ZCCHC2: variants seen among roughly 807,000 people sequenced by gnomAD.
The protein encoded by ZCCHC2 is zinc finger CCHC domain-containing protein 2.
ZCCHC2 carries 39 observed loss-of-function variants against 103.6 expected under a neutral mutation model. That is an observed-to-expected ratio of 0.38 (90% CI 0.29 to 0.49). The LOEUF (loss-of-function observed/expected upper bound fraction) is 0.49, where lower values mean the gene tolerates loss of function less well. Ranked by LOEUF, ZCCHC2 falls within the 20% of genes least tolerant of loss-of-function variation. The pLI is 0.96. For missense variants in ZCCHC2, 1,483 were observed against 1,491.0 expected, an observed-to-expected ratio of 0.99 and a Z score of 0.09; for synonymous variants, 687 against 608.9, an observed-to-expected ratio of 1.13 and a Z score of -1.89.
Position 62,558,789 on chromosome 18 carries a change from G to A in ZCCHC2, c.1492+19G>A. On this transcript the variant is annotated intron_variant, in intron 7 of 13. Transcript: ENST00000269499. ...GAAGAAGGTAAAGGTAGATTCACTA[G>A]AGTAAATCATTCTGCCTGCTGATAG... 2 of 1,486,060 alleles carry A rather than the reference G, an allele frequency of 1.3e-6. No individual in the cohort carries two copies. The highest frequency in any genetic ancestry group is 1.8e-6 in the Non-Finnish European group (2 of 1,102,336). 92.1% of individuals were successfully genotyped at this position (1,486,060 alleles called of 1,614,324 possible). A position where few individuals can be genotyped will look rare whatever the true frequency, so the allele number is the denominator to read the frequency against.
rs779965844 is a variant in ZCCHC2 at position 62,574,294 on chromosome 18, C to T, written c.2213C>T (p.Pro738Leu). Residue 738 changes from proline to leucine, a missense_variant, in exon 13 of 14, where the codon CCT becomes CTT. Pro to Leu is a moderately conservative substitution (Grantham distance 98). This residue lies in a region of ZCCHC2 where 884 missense variants were observed against 907.5 expected (regional missense o/e 0.97). Coordinates refer to ENST00000269499, the MANE Select transcript of ZCCHC2 (RefSeq NM_017742.6). ...GCCCAGAAGTCTGAAGTTGTCGTTC[C>T]TGCACCCAAACCCGCTGATGGCAAA... ...NGAQKSEVVV[P>L]APKPADGKTI... 6.2e-7 allele frequency: 1 copy of T among 1,614,050 alleles called. No individual in the cohort carries two copies. Among genetic ancestry groups the T allele is most frequent in the Non-Finnish European group, 8.5e-7 (1 of 1,179,908 alleles).
intron 5 of ZCCHC2, among the ~76,000 whole-genome samples, chr18:62,554,076 C>A (rs1198039755): frequency 1.3e-5 from 2 of 152,076 alleles, no homozygotes; most frequent in Non-Finnish European, 2.9e-5. Context: ...TTAAAAAAAT[C>A]TTGGATTCAT....
chr18:62,534,147 C>T (rs777496838), intron 1 of ZCCHC2, among the ~76,000 whole-genome samples: 1 of 151,770 alleles, frequency 6.6e-6, no homozygotes, highest in Non-Finnish European at 1.5e-5. Flanking sequence ...ACCAAGACCC[C>T]ATCTCTAAAA....
chr18:62,527,865 A>G (rs1205239795), intron 1 of ZCCHC2, among the ~76,000 whole-genome samples: 1 of 152,266 alleles, frequency 6.6e-6, no homozygotes. Flanking sequence ...TATGTATTTT[A>G]AAAGGTACTA....
chr18:62,551,467 G>C (rs1156341652), intron 5 of ZCCHC2: 1 of 152,198 alleles, frequency 6.6e-6, no homozygotes, highest in Non-Finnish European at 1.5e-5. Context: ...AAGGGAATTT[G>C]GGGAAAAAAT....
chr18:62,531,478 T>C (rs1313107293), intron 1 of ZCCHC2, among the ~76,000 whole-genome samples: 5 of 152,228 alleles, frequency 3.3e-5, no homozygotes, highest in Non-Finnish European at 7.3e-5. Context: ...TTATTTGGTC[T>C]TCCCAAAGTC....
At position 62,541,200 on chromosome 18, in the gene ZCCHC2, G is replaced by A. The variant is rs185173590; in HGVS notation, c.1052-1298G>A. On this transcript the variant is annotated intron_variant, in intron 2 of 13. Coordinates refer to ENST00000269499, the MANE Select transcript of ZCCHC2 (RefSeq NM_017742.6). ...CAGTTCTAAGGAGTTACAGGCTTTT[G>A]CCTGGCTTTTTGAGATTTTCCGTTG... 1.5e-3 allele frequency among the ~76,000 whole-genome samples: 235 copies of A among 152,252 alleles called. 2 individuals are homozygous for A. The highest frequency in any genetic ancestry group is 5.6e-3 in the African/African-American group (231 of 41,550).
rs1239949208 is a variant in ZCCHC2 at position 62,524,291 on chromosome 18, C to T, written c.867C>T (p.Ala289=). The change falls in exon 1 of 14, where the codon GCC becomes GCT. Residue 289 remains alanine, a synonymous_variant. Transcript: ENST00000269499. ...TLREHLERLR[A]ALRGGPEDAE... is the part of the protein sequence containing the mutation. ...GGGAACACTTGGAGAGGCTCCGCGC[C>T]GCGCTCCGCGGGGGCCCCGAGGACG... 2 of 1,548,668 alleles carry T rather than the reference C, an allele frequency of 1.3e-6. No homozygotes were observed. The highest frequency in any genetic ancestry group is 2.0e-5 in the Admixed American group (1 of 50,898).
intron 3 of ZCCHC2, among the ~76,000 whole-genome samples, chr18:62,544,497 A>C (rs189651706): frequency 6.6e-6 from 1 of 152,232 alleles, no homozygotes; most frequent in African/African-American, 2.4e-5. Flanking sequence ...TTAGAGTTCT[A>C]TAAGTTCATA....
chr18:62,546,049 T>C (rs1295984210), intron 4 of ZCCHC2, among the ~76,000 whole-genome samples: 1 of 152,210 alleles, frequency 6.6e-6, no homozygotes, highest in African/African-American at 2.4e-5. Flanking sequence ...TTAGGCTCTG[T>C]CAGTTAAGGG....
chr18:62,578,650 A>C (rs1387316972), downstream of ZCCHC2: 1 of 152,568 alleles, frequency 6.6e-6, no homozygotes, highest in African/African-American at 2.4e-5. Flanking sequence ...CGATTTTTTT[A>C]AAGTTTTATT....
intron 12 of ZCCHC2, among the ~76,000 whole-genome samples, chr18:62,570,726 G>A (rs1916566546): frequency 6.6e-6 from 1 of 152,098 alleles, no homozygotes; most frequent in Non-Finnish European, 1.5e-5. Flanking sequence ...ACCTATTTGT[G>A]TCTTTAAATA....
chr18:62,579,421 C>T (rs370258465), downstream of ZCCHC2, among the ~76,000 whole-genome samples: 112 of 152,274 alleles, frequency 7.4e-4, no homozygotes, highest in African/African-American at 2.7e-3. Flanking sequence ...TGCTCCACGC[C>T]GCCCTTGACG....
At chr18:62,534,915 T>C (rs1387004261) in intron 1 of ZCCHC2, among the ~76,000 whole-genome samples, 1 of 152,272 alleles carries the variant, frequency 6.6e-6, no homozygotes, top group Non-Finnish European at 1.5e-5. Flanking sequence ...GGCAACACTA[T>C]ATAGTAAATC....
intron 12 of ZCCHC2, among the ~76,000 whole-genome samples, chr18:62,572,652 G>C (rs1371593567): frequency 6.6e-6 from 1 of 152,154 alleles, no homozygotes; most frequent in Admixed American, 6.5e-5. Flanking sequence ...ACCGAAATCA[G>C]TGCACAAAAG....
chr18:62,534,311 T>TG (rs747426020), intron 1 of ZCCHC2, among the ~76,000 whole-genome samples: 1 of 143,880 alleles, frequency 7.0e-6, no homozygotes, highest in Non-Finnish European at 1.5e-5. Flanking sequence ...GATCCTGTCT[T>TG]AAAAAAAAAA....
At chr18:62,550,684 C>T (rs1320086859) in intron 5 of ZCCHC2, among the ~76,000 whole-genome samples, 2 of 152,214 alleles carry the variant, frequency 1.3e-5, no homozygotes, top group African/African-American at 2.4e-5. Context: ...AATTTAGTTG[C>T]TTCTGAAATA....
intron 4 of ZCCHC2, among the ~76,000 whole-genome samples, chr18:62,547,982 T>G (rs939471131): frequency 3.3e-5 from 5 of 152,204 alleles, no homozygotes; most frequent in African/African-American, 1.2e-4. Context: ...CCTAAAACAG[T>G]GCCTGGGGCA....
Position 62,575,344 on chromosome 18 carries a change from C to G in ZCCHC2, c.3263C>G (p.Pro1088Arg). Reference protein sequence around the residue: ...TPYANGLVHDPVMGSQANYGM... With the variant: ...TPYANGLVHDRVMGSQANYGM... ...TATGCAAATGGACTGGTACATGACC[C>G]AGTCATGGGGAGCCAAGCCAACTAT... is the stretch of plus-strand genomic sequence containing the variant. The change falls in exon 13 of 14, where the codon CCA becomes CGA. Residue 1088 changes from proline to arginine, a missense_variant. Transcript: ENST00000269499. 6.2e-7 allele frequency: 1 copy of G among 1,613,918 alleles called. No individual in the cohort carries two copies. The highest frequency in any genetic ancestry group is 1.3e-5 in the African/African-American group (1 of 75,042).
Sources: gnomAD v4.1 joint callset for allele counts (sites outside exome capture counted in the v4.1 genomes callset) on GRCh38, gnomAD v4.1.1 for gene constraint, gnomAD v4.1.1 regional missense constraint, MANE v1.5 for transcripts, NCBI Gene and HGNC (gene_info 2026-07-23, HGNC 2026-07-21) for gene names.